Variants in DCBLD1 observed in about 807,000 individuals in gnomAD.
The protein encoded by DCBLD1 is discoidin, CUB and LCCL domain containing 1.
A neutral mutation model predicts 71.5 loss-of-function variants in DCBLD1; 57 were observed. That is an observed-to-expected ratio of 0.80 (90% confidence interval 0.64 to 0.99). The LOEUF (loss-of-function observed/expected upper bound fraction) is 0.99, where lower values mean the gene tolerates loss of function less well. Among genes scored for constraint, DCBLD1 ranks in the 50% least tolerant of loss-of-function variants. The probability of loss-of-function intolerance (pLI) is 0.00; values close to 1 mark genes in which losing one functional copy is unlikely to be tolerated. For synonymous variants in DCBLD1, 380 were observed against 363.8 expected (o/e 1.04, Z -0.51); for missense variants, 891 against 923.5 (o/e 0.96, Z 0.46).
intron 1 of DCBLD1, among the ~76,000 whole-genome samples, chr6:117,489,553 C>T (rs1358750318): frequency 6.6e-6 from 1 of 152,114 alleles, no homozygotes; most frequent in African/African-American, 2.4e-5. Flanking sequence ...CATACCACCC[C>T]CCTTTTAAAA....
intron 14 of DCBLD1, among the ~76,000 whole-genome samples, chr6:117,559,281 G>A (rs1442098360): frequency 6.6e-6 from 1 of 152,210 alleles, no homozygotes; most frequent in Non-Finnish European, 1.5e-5. Flanking sequence ...TAGGAAGCTG[G>A]AGTTGATTGG....
intron 2 of DCBLD1, among the ~76,000 whole-genome samples, chr6:117,517,683 C>G (rs1366550082): frequency 6.6e-6 from 1 of 152,212 alleles, no homozygotes; most frequent in African/African-American, 2.4e-5. Context: ...CTTCCATGCA[C>G]CTGCAGGCTC....
intron 1 of DCBLD1, among the ~76,000 whole-genome samples, chr6:117,489,162 G>T (rs1777194424): frequency 6.6e-6 from 1 of 152,174 alleles, no homozygotes; most frequent in African/African-American, 2.4e-5. Context: ...ATAAGCGTCT[G>T]CTCAGCCTCT....
At chr6:117,546,957 G>A (rs1033937591) in intron 14 of DCBLD1, among the ~76,000 whole-genome samples, 5 of 152,144 alleles carry the variant, frequency 3.3e-5, no homozygotes, top group African/African-American at 1.2e-4. Context: ...GCACATCCCA[G>A]CCTCAAAGAG....
At chr6:117,552,383 C>T (rs989505617), downstream of DCBLD1, among the ~76,000 whole-genome samples, 2 of 152,158 alleles carry the variant, frequency 1.3e-5, no homozygotes, top group East Asian at 3.9e-4. Context: ...TCATCCAACA[C>T]CATTTGCCTT....
chr6:117,532,482 G>T, intron 6 of DCBLD1, 89 bp downstream of exon 6: 1 of 1,432,570 alleles, frequency 7.0e-7, no homozygotes, highest in Admixed American at 3.0e-5. Context: ...AAAGACAGCA[G>T]GGATGTGATA....
downstream of DCBLD1, among the ~76,000 whole-genome samples, chr6:117,550,717 CATGAATAGCT>C (rs1779413870): frequency 6.6e-6 from 1 of 152,074 alleles, no homozygotes; most frequent in Admixed American, 6.5e-5. Flanking sequence ...CTGTATATAC[CATGAATAGCT>C]ATGAGACCTT....
intron 14 of DCBLD1, among the ~76,000 whole-genome samples, chr6:117,557,085 A>G (rs1779503897): frequency 6.6e-6 from 1 of 152,140 alleles, no homozygotes; most frequent in South Asian, 2.1e-4. Flanking sequence ...TTTCTTTTAC[A>G]ACCAAATGCC....
At position 117,560,942 on chromosome 6, in the gene DCBLD1, T is replaced by C. The variant is rs562889181; in HGVS notation, c.1616-8678T>C. On this transcript the variant is annotated intron_variant, in intron 14 of 14. Coordinates refer to the DCBLD1 transcript ENST00000296955. ...TTTCTTTCCTATAAATGTGAAAATA[T>C]TAAAATTGGTTCTCAGTCCTTTGGA... The C allele has an allele frequency of 2.4e-5, 5 of 211,604 alleles. No homozygotes were observed. The East Asian group carries it at 2.8e-4, about 12-fold the overall frequency. 13.1% of individuals were successfully genotyped at this position (211,604 alleles called of 1,614,324 possible).
intron 1 of DCBLD1, among the ~76,000 whole-genome samples, chr6:117,493,875 G>A (rs1191061653): frequency 6.6e-6 from 1 of 152,132 alleles, no homozygotes; most frequent in Non-Finnish European, 1.5e-5. Context: ...CTTCAGTTTT[G>A]TTGTATAGGA....
intron 14 of DCBLD1, chr6:117,569,469 T>G: frequency 6.9e-7 from 1 of 1,450,056 alleles, no homozygotes; most frequent in Non-Finnish European, 9.3e-7. Flanking sequence ...GAACTATGTG[T>G]AAACACTTTA....
chr6:117,565,622 T>C (rs997346262), intron 14 of DCBLD1, among the ~76,000 whole-genome samples: 15 of 152,322 alleles, frequency 9.8e-5, no homozygotes, highest in African/African-American at 3.6e-4. Flanking sequence ...AATATCATCA[T>C]CAATCTCATC....
chr6:117,568,654 G>A (rs1779746314), intron 14 of DCBLD1, among the ~76,000 whole-genome samples: 1 of 152,170 alleles, frequency 6.6e-6, no homozygotes, highest in South Asian at 2.1e-4. Flanking sequence ...CTTCAGCAAA[G>A]TTTTAGATGA....
chr6:117,508,688 G>A (rs567451469), intron 2 of DCBLD1, among the ~76,000 whole-genome samples: 52 of 152,144 alleles, frequency 3.4e-4, no homozygotes, highest in Non-Finnish European at 6.6e-4. Flanking sequence ...CCTCAGAGGA[G>A]GTCATTTCTG....
In DCBLD1 at chr6:117,541,426, T is replaced by C. The variant is rs1411225023; in HGVS notation, c.1357+401T>C. On this transcript the variant is annotated intron_variant, in intron 11 of 14. Transcript: ENST00000338728. ...ACTATCTAAGTAGCACGCCACCCTT[T>C]CTGCAAAAAGGAGAAACAAAGAATA... Among the ~76,000 whole-genome samples, 5 of 152,104 alleles carry C rather than the reference T, an allele frequency of 3.3e-5. No homozygotes were observed. The East Asian group carries it at 9.6e-4, about 29-fold the overall frequency.
chr6:117,568,165 A>C (rs1272206160), intron 14 of DCBLD1, among the ~76,000 whole-genome samples: 4 of 151,994 alleles, frequency 2.6e-5, no homozygotes, highest in Non-Finnish European at 5.9e-5. Context: ...GTGCCACTGC[A>C]CTCCAGCCTG....
At chr6:117,517,276 T>C (rs547071786) in intron 2 of DCBLD1, among the ~76,000 whole-genome samples, 3 of 152,350 alleles carry the variant, frequency 2.0e-5, no homozygotes, top group African/African-American at 7.2e-5. Context: ...AGTCAAATCT[T>C]AAAGCTCCAA....
At chr6:117,557,944 G>C (rs2114590681) in intron 14 of DCBLD1, among the ~76,000 whole-genome samples, 1 of 152,294 alleles carries the variant, frequency 6.6e-6, no homozygotes, top group Admixed American at 6.5e-5. Context: ...CCTGGCAGCA[G>C]ACTAGGTAGG....
chr6:117,505,461 T>C (rs1167938029), intron 2 of DCBLD1, among the ~76,000 whole-genome samples: 12 of 152,146 alleles, frequency 7.9e-5, no homozygotes. Context: ...GGGAAGCATC[T>C]GCCTTGCCTG....
Sources: allele counts gnomAD v4.1 joint callset (sites outside exome capture counted in the v4.1 genomes callset), GRCh38; gene constraint gnomAD v4.1.1; transcripts MANE v1.5; gene names NCBI Gene and HGNC (gene_info 2026-07-23, HGNC 2026-07-21).